Variants in CPSF3 observed in about 807,000 individuals in gnomAD.
CPSF3 encodes the protein cleavage and polyadenylation specificity factor subunit 3.
CPSF3 carries 57 observed loss-of-function variants against 84.1 expected under a neutral mutation model. The observed-to-expected ratio is 0.68, with a 90% CI of 0.55 to 0.85. The LOEUF (loss-of-function observed/expected upper bound fraction) is 0.85, where lower values mean the gene tolerates loss of function less well. Ranked by LOEUF, CPSF3 falls within the 40% of genes least tolerant of loss-of-function variation. CPSF3 has a pLI of 0.00. For synonymous variants in CPSF3, 275 were observed against 278.1 expected, an observed-to-expected ratio of 0.99 and a Z score of 0.11; for missense variants, 522 against 838.8, an observed-to-expected ratio of 0.62 and a Z score of 4.66.
At chr2:9,463,818 C>T (rs1215207974) in intron 15 of CPSF3, among the ~76,000 whole-genome samples, 1 of 152,214 alleles carries the variant, frequency 6.6e-6, no homozygotes, top group African/African-American at 2.4e-5. Context: ...GCCGTGCGCA[C>T]TGGTTCATCA....
Position 9,428,686 on chromosome 2 carries a change from A to C in CPSF3, c.51-79A>C, listed in dbSNP as rs572116806. ...TGTCATCAGATGGCATGTAGTGTAC[A>C]TTGTAAAAAAGTGTAAGTTTATTGG... On this transcript the variant is annotated intron_variant, in intron 1 of 17. Coordinates refer to ENST00000238112, the MANE Select transcript of CPSF3 (RefSeq NM_016207.4). 1.9e-4 allele frequency: 180 copies of C among 937,460 alleles called. 1 individual carries two copies. Among genetic ancestry groups the C allele is most frequent in the Non-Finnish European group, 6.7e-5 (39 of 583,074 alleles). 58.1% of individuals were successfully genotyped at this position (937,460 alleles called of 1,614,324 possible).
intron 10 of CPSF3, 53 bp downstream of exon 10, chr2:9,443,714 A>G: frequency 6.3e-7 from 1 of 1,591,020 alleles, no homozygotes; most frequent in Non-Finnish European, 8.6e-7. Flanking sequence ...GTGCATACCC[A>G]GGAAACTGTG....
intron 16 of CPSF3, among the ~76,000 whole-genome samples, chr2:9,469,563 G>C (rs928091217): frequency 6.6e-6 from 1 of 152,170 alleles, no homozygotes; most frequent in Non-Finnish European, 1.5e-5. Context: ...AGGGCAGTCT[G>C]CGGGAGGCTG....
chr2:9,434,722 C>G (rs1171834114), intron 6 of CPSF3, among the ~76,000 whole-genome samples: 1 of 151,660 alleles, frequency 6.6e-6, no homozygotes, highest in Non-Finnish European at 1.5e-5. Context: ...CCCAGGGGAG[C>G]AAAAAAAATG....
At chr2:9,447,513 C>T (rs932008761) in intron 10 of CPSF3, among the ~76,000 whole-genome samples, 4 of 151,994 alleles carry the variant, frequency 2.6e-5, no homozygotes, top group Non-Finnish European at 5.9e-5. Flanking sequence ...AGGCCAGGCA[C>T]AGTGGCTCAA....
chr2:9,444,444 A>G (rs745877740), intron 10 of CPSF3, among the ~76,000 whole-genome samples: 2 of 151,808 alleles, frequency 1.3e-5, no homozygotes, highest in Non-Finnish European at 2.9e-5. Flanking sequence ...TATATTTTTA[A>G]GTATCGTGTA....
chr2:9,442,106 G>T (rs1488791817), intron 9 of CPSF3, 130 bp downstream of exon 9: 1 of 902,332 alleles, frequency 1.1e-6, no homozygotes. Context: ...ATGAGGACGG[G>T]AATAGGTAGC....
At chr2:9,429,376 C>G (rs1162211615) in intron 2 of CPSF3, among the ~76,000 whole-genome samples, 1 of 152,216 alleles carries the variant, frequency 6.6e-6, no homozygotes, top group Non-Finnish European at 1.5e-5. Context: ...CTCAACTCCT[C>G]CCAATCTGAA....
intron 12 of CPSF3, among the ~76,000 whole-genome samples, 179 bp from the exon 13 acceptor site, chr2:9,455,480 A>C (rs1009774754): frequency 6.6e-6 from 1 of 152,116 alleles, no homozygotes; most frequent in Non-Finnish European, 1.5e-5. Context: ...TGAAGGGGAG[A>C]GGTAGGGACA....
intron 15 of CPSF3, among the ~76,000 whole-genome samples, chr2:9,466,334 G>T (rs12987859): frequency 2.1e-5 from 1 of 48,324 alleles, no homozygotes; most frequent in Non-Finnish European, 5.4e-5. Flanking sequence ...ACAGACGCAC[G>T]CACACACGCG....
intron 8 of CPSF3, 83 bp downstream of exon 8, chr2:9,440,749 G>C (rs1680939898): frequency 3.7e-6 from 5 of 1,349,630 alleles, no homozygotes; most frequent in Middle Eastern, 2.2e-4. Flanking sequence ...GTGAGTGATG[G>C]CTCACAGCTG....
In CPSF3 at chr2:9,436,254, G is replaced by A. The variant is rs924983689; in HGVS notation, c.653G>A (p.Arg218Gln). 5 of 1,612,504 alleles carry A rather than the reference G, an allele frequency of 3.1e-6. No homozygotes were observed. Among genetic ancestry groups the A allele is most frequent in the Non-Finnish European group, 3.4e-6 (4 of 1,179,208 alleles). Residue 218 changes from arginine to glutamine, a missense_variant, in exon 7 of 18, where the codon CGA becomes CAA. Around this residue, in one of 2 missense-constraint regions of CPSF3, gnomAD observed 329 missense variants for 607.2 expected, o/e 0.54. Transcript: ENST00000238112. ...CATATCCATGAGAAACGTGAAGAGC[G>A]AGAAGCAAGATTCTGTAACACTGTC... is the stretch of plus-strand genomic sequence containing the variant. ...GTHIHEKREE[R>Q]EARFCNTVHD...
chr2:9,425,071 T>G (rs1680329078), intron 1 of CPSF3: 1 of 152,216 alleles, frequency 6.6e-6, no homozygotes, highest in African/African-American at 2.4e-5. Context: ...AAAGGATACC[T>G]CGTGGATCCT....
chr2:9,457,141 A>C, intron 14 of CPSF3, 114 bp downstream of exon 14: 1 of 486,414 alleles, frequency 2.1e-6, no homozygotes. Flanking sequence ...TATTGTTGGA[A>C]AGTATATGTG....
intron 10 of CPSF3, among the ~76,000 whole-genome samples, chr2:9,447,931 C>T (rs745445702): frequency 3.9e-5 from 6 of 152,106 alleles, no homozygotes; most frequent in Non-Finnish European, 8.8e-5. Context: ...ATGGAAAAGG[C>T]GTGTATCTCA....
intron 1 of CPSF3, among the ~76,000 whole-genome samples, chr2:9,425,642 G>A (rs959501148): frequency 6.6e-6 from 1 of 152,178 alleles, no homozygotes; most frequent in African/African-American, 2.4e-5. Flanking sequence ...AAGTTTGGCA[G>A]TTGGGAAAGG....
At chr2:9,454,539 C>CT (rs36115189) in intron 12 of CPSF3, among the ~76,000 whole-genome samples, 5,747 of 87,976 alleles carry the variant, frequency 0.065, 362 homozygotes, top group Non-Finnish European at 0.09. Flanking sequence ...CTCTTATACT[C>CT]TTTTTTTTTT....
At chr2:9,461,183 T>C (rs1681713735) in intron 15 of CPSF3, among the ~76,000 whole-genome samples, 2 of 152,218 alleles carry the variant, frequency 1.3e-5, no homozygotes, top group Admixed American at 1.3e-4. Context: ...TTGTTTTAGT[T>C]GAATTAACTC....
intron 10 of CPSF3, among the ~76,000 whole-genome samples, chr2:9,446,622 G>A (rs182389087): frequency 1.3e-5 from 2 of 151,114 alleles, no homozygotes; most frequent in Admixed American, 6.6e-5. Context: ...AGGTAGGCAT[G>A]GTGGTTCACA....
Sources: allele counts gnomAD v4.1 joint callset (sites outside exome capture counted in the v4.1 genomes callset), GRCh38; gene constraint gnomAD v4.1.1; regional missense constraint gnomAD v4.1.1; transcripts MANE v1.5; gene names NCBI Gene and HGNC (gene_info 2026-07-23, HGNC 2026-07-21).